ASCC1: variants seen among roughly 807,000 people sequenced by gnomAD.
ASCC1 encodes ASC-1 complex subunit P50.
ASCC1 carries 35 observed loss-of-function variants against 46.6 expected under a neutral mutation model. That is an observed-to-expected ratio of 0.75 (90% CI 0.57 to 0.99). ASCC1 has a LOEUF of 0.99. Among genes scored for constraint, ASCC1 ranks in the 50% least tolerant of loss-of-function variants. The pLI is 0.00. For missense variants in ASCC1, 376 were observed against 428.7 expected, an observed-to-expected ratio of 0.88 and a Z score of 1.09; for synonymous variants, 143 against 146.6, an observed-to-expected ratio of 0.98 and a Z score of 0.18.
At chr10:72,139,103 TTTTTC>T (rs1846638900) in intron 7 of ASCC1, among the ~76,000 whole-genome samples, 1 of 149,372 alleles carries the variant, frequency 6.7e-6, no homozygotes, top group Non-Finnish European at 1.5e-5. Context: ...CTATATTTCT[TTTTTC>T]TTTTTCTTTT....
intron 9 of ASCC1, among the ~76,000 whole-genome samples, chr10:72,101,772 TAAAG>T (rs1841790905): frequency 6.6e-6 from 1 of 150,948 alleles, no homozygotes; most frequent in Non-Finnish European, 1.5e-5. Flanking sequence ...GGGAACAAGA[TAAAG>T]AAAAAAAAGG....
rs1856786860 is a variant in ASCC1 at position 72,203,480 on chromosome 10, A to G, written c.257T>C (p.Met86Thr). 1.2e-6 allele frequency: 2 copies of G among 1,613,550 alleles called. No individual in the cohort carries two copies. Among genetic ancestry groups the G allele is most frequent in the Non-Finnish European group, 8.5e-7 (1 of 1,179,600 alleles). ...KRGDTRKKIE[M>T]ETKTSISIPK... Reference sequence around the variant, plus strand: ...AATGCTAATAGAAGTTTTGGTCTCCATTTCTATTTTCTTCCTAGTGTCCCC... The same window carrying G: ...AATGCTAATAGAAGTTTTGGTCTCCGTTTCTATTTTCTTCCTAGTGTCCCC... Residue 86 changes from methionine to threonine, a missense_variant, in exon 4 of 10, where the codon ATG becomes ACG. Physicochemically the swap from Met to Thr is moderately conservative, Grantham distance 81. Transcript: ENST00000672957.
intron 9 of ASCC1, among the ~76,000 whole-genome samples, chr10:72,127,088 G>A (rs185869436): frequency 1.3e-5 from 2 of 152,310 alleles, no homozygotes; most frequent in East Asian, 1.9e-4. Flanking sequence ...GGAATGGAGG[G>A]TGGAATAGGG....
rs1841096014 is a variant in ASCC1 at position 72,096,395 on chromosome 10, A to G, written c.*939T>C. On this transcript the variant is annotated 3_prime_UTR_variant, in exon 10 of 10. Coordinates refer to ENST00000672957, the MANE Select transcript of ASCC1 (RefSeq NM_001198800.3). The stretch of plus-strand genomic sequence containing the variant: ...TGCTGCCTTGAAAAGTAAACAAAAA[A>G]GGGCTGCAACACTGCAACTCCATCA... 8.8e-6 allele frequency: 4 copies of G among 454,008 alleles called. No homozygotes were observed. The highest frequency in any genetic ancestry group is 2.4e-5 in the Admixed American group (1 of 42,552). The allele number at this position is 454,008 out of a possible 1,614,324, so 28.1% of individuals were successfully genotyped here.
intron 6 of ASCC1, among the ~76,000 whole-genome samples, chr10:72,154,984 A>C (rs1365628138): frequency 5.9e-5 from 9 of 152,250 alleles, no homozygotes; most frequent in Non-Finnish European, 1.3e-4. Flanking sequence ...AAAAACTGAT[A>C]TAAAATGATA....
Position 72,146,591 on chromosome 10 carries a change from C to A in ASCC1, c.746+6278G>T, listed in dbSNP as rs554794801. On this transcript the variant is annotated intron_variant, in intron 7 of 9. Coordinates refer to ENST00000672957, the MANE Select transcript of ASCC1 (RefSeq NM_001198800.3). ...AGGGTTTAGAGAGTAACAGACAAAA[C>A]AGAATAGCCACAGTGTTCAGTGTAT... is the stretch of plus-strand genomic sequence containing the variant. Among the ~76,000 whole-genome samples the A allele has an allele frequency of 2.6e-5, 4 of 152,252 alleles. No individual in the cohort carries two copies. The East Asian group carries it at 7.7e-4, about 29-fold the overall frequency.
chr10:72,159,723 A>AT (rs1279669984), intron 6 of ASCC1, among the ~76,000 whole-genome samples: 2 of 152,120 alleles, frequency 1.3e-5, no homozygotes, highest in Non-Finnish European at 2.9e-5. Context: ...GAGAAAACAG[A>AT]TATGTCCGTT....
chr10:72,187,577 G>A (rs571001839), intron 5 of ASCC1, among the ~76,000 whole-genome samples: 77 of 152,092 alleles, frequency 5.1e-4, no homozygotes, highest in Non-Finnish European at 9.3e-4. Context: ...AAAATTAGCC[G>A]GGCACAGTGG....
intron 4 of ASCC1, among the ~76,000 whole-genome samples, chr10:72,199,025 C>T (rs1856075927): frequency 6.6e-6 from 1 of 152,034 alleles, no homozygotes; most frequent in Admixed American, 6.6e-5. Context: ...TCATGTTGGC[C>T]AGGCTGGTCT....
intron 4 of ASCC1, among the ~76,000 whole-genome samples, chr10:72,200,565 T>C (rs554504354): frequency 1.3e-5 from 2 of 151,854 alleles, no homozygotes; most frequent in East Asian, 1.9e-4. Flanking sequence ...GGAGAATCAC[T>C]TGAAACCAGG....
intron 9 of ASCC1, among the ~76,000 whole-genome samples, chr10:72,114,297 C>T (rs1246279173): frequency 5.9e-5 from 9 of 152,162 alleles, no homozygotes; most frequent in Admixed American, 5.2e-4. Flanking sequence ...CAGTTTGCGG[C>T]TCTCTTTTCT....
rs142128696 is a variant in ASCC1 at position 72,141,144 on chromosome 10, G to A, written c.747-7963C>T. 4.3e-3 allele frequency among the ~76,000 whole-genome samples: 655 copies of A among 152,008 alleles called. 8 individuals carry two copies. The highest frequency in any genetic ancestry group is 0.015 in the African/African-American group (618 of 41,486). On this transcript the variant is annotated intron_variant, in intron 7 of 9. Coordinates refer to ENST00000672957, the MANE Select transcript of ASCC1 (RefSeq NM_001198800.3). ...ATATATATAGATATATATCAGACAA[G>A]CTAAAAGAAAAAAATTACTTGTTAT...
intron 7 of ASCC1, among the ~76,000 whole-genome samples, chr10:72,147,288 C>T (rs1490827194): frequency 6.6e-6 from 1 of 152,014 alleles, no homozygotes; most frequent in African/African-American, 2.4e-5. Context: ...GAGTTTCGTT[C>T]TGTTACCCAG....
intron 3 of ASCC1, among the ~76,000 whole-genome samples, chr10:72,207,871 G>A (rs1857439254): frequency 6.6e-6 from 1 of 151,422 alleles, no homozygotes; most frequent in African/African-American, 2.4e-5. Context: ...AATTACATTG[G>A]CACAATCATA....
At chr10:72,134,419 G>C (rs1051820419) in intron 7 of ASCC1, 1 of 152,348 alleles carries the variant, frequency 6.6e-6, no homozygotes, top group African/African-American at 2.4e-5. Context: ...GGGCAGCAGA[G>C]TGAGATCACG....
chr10:72,210,166 T>C (rs1283695119), intron 3 of ASCC1, among the ~76,000 whole-genome samples: 3 of 151,328 alleles, frequency 2.0e-5, no homozygotes, highest in African/African-American at 4.9e-5. Context: ...TTCTTTTTTT[T>C]TTTTTTTTTT....
intron 6 of ASCC1, among the ~76,000 whole-genome samples, chr10:72,156,781 A>G (rs1849032307): frequency 6.6e-6 from 1 of 151,940 alleles, no homozygotes; most frequent in Non-Finnish European, 1.5e-5. Context: ...CAAAAAAAAA[A>G]AAAAGAAAAA....
At chr10:72,187,372 G>A (rs1021529285) in intron 5 of ASCC1, among the ~76,000 whole-genome samples, 35 of 152,224 alleles carry the variant, frequency 2.3e-4, no homozygotes, top group African/African-American at 7.7e-4. Flanking sequence ...GGGAGGCCGA[G>A]GCGGGTGGAT....
chr10:72,165,022 A>G (rs1370150781), intron 5 of ASCC1, among the ~76,000 whole-genome samples: 3 of 152,170 alleles, frequency 2.0e-5, no homozygotes, highest in African/African-American at 4.8e-5. Context: ...TAGTATACCC[A>G]TATCGGTCCA....
Sources: gnomAD v4.1 joint callset for allele counts (sites outside exome capture counted in the v4.1 genomes callset) on GRCh38, gnomAD v4.1.1 for gene constraint, MANE v1.5 for transcripts, NCBI Gene and HGNC (gene_info 2026-07-23, HGNC 2026-07-21) for gene names.